GUCA1B: variants seen among roughly 807,000 people sequenced by gnomAD.
The protein encoded by GUCA1B is guanylyl cyclase-activating protein 2.
In GUCA1B, 22 loss-of-function variants were observed where a neutral mutation model predicts 24.2. The observed-to-expected ratio is 0.91, with a 90% confidence interval of 0.65 to 1.30. The LOEUF (loss-of-function observed/expected upper bound fraction) is 1.30, where lower values mean the gene tolerates loss of function less well. Ranked by LOEUF, GUCA1B falls within the 50% of genes most tolerant of loss-of-function variation. The pLI, the probability that GUCA1B is intolerant of heterozygous loss-of-function variation, is 0.00. For synonymous variants in GUCA1B, 100 were observed against 97.9 expected (o/e 1.02, Z -0.13); for missense variants, 221 against 258.8 (o/e 0.85, Z 1.00).
chr6:42,183,743 C>T lies in GUCA1B; in HGVS notation c.*1072G>A, dbSNP rs1768144380. ...AGAGACAGACAGAAGTTTTCTCCAT[C>T]CTTTAAAGAGAAACATTCAGCTTAT... On this transcript the variant is annotated 3_prime_UTR_variant, in exon 4 of 4. Coordinates refer to ENST00000230361, the MANE Select transcript of GUCA1B (RefSeq NM_002098.6). 6.6e-6 allele frequency among the ~76,000 whole-genome samples: 1 copy of T among 152,082 alleles called. No individual in the cohort carries two copies. The highest frequency in any genetic ancestry group is 2.4e-5 in the African/African-American group (1 of 41,394).
chr6:42,194,792 G>A lies in GUCA1B; in HGVS notation c.29C>T (p.Ala10Val), dbSNP rs555181489. The A allele has an allele frequency of 3.1e-5, 49 of 1,578,010 alleles. No homozygotes were observed. The East Asian group carries it at 4.7e-4, about 15-fold the overall frequency. The change falls in exon 1 of 4, where the codon GCG becomes GTG. Residue 10 changes from alanine to valine, a missense_variant. Ala to Val is a moderately conservative substitution (Grantham distance 64). Transcript: ENST00000230361. ...CACATCTATCTCGCCAGCTGCCTCC[G>A]CCTCCTCCCAGCTAAACTCCTGCCC... MGQEFSWEE[A>V]EAAGEIDVAE...
chr6:42,191,584 A>G (rs1462618265), intron 1 of GUCA1B, among the ~76,000 whole-genome samples: 1 of 152,208 alleles, frequency 6.6e-6, no homozygotes, highest in African/African-American at 2.4e-5. Flanking sequence ...CTTACAGTGG[A>G]ATGCCAACTA....
chr6:42,185,620 G>A lies in GUCA1B; in HGVS notation c.475+60C>T, dbSNP rs557893480. 70 of 1,040,310 alleles carry A rather than the reference G, an allele frequency of 6.7e-5. 1 individual carries two copies. Among genetic ancestry groups the A allele is most frequent in the Non-Finnish European group, 8.7e-5 (58 of 663,188 alleles). 64.4% of individuals were successfully genotyped at this position (1,040,310 alleles called of 1,614,324 possible). A position where few individuals can be genotyped will look rare whatever the true frequency, so the allele number is the denominator to read the frequency against. On this transcript the variant is annotated intron_variant, in intron 3 of 3. Transcript: ENST00000230361. ...TGGAGGGCCTTGCCCAAGGACGTGC[G>A]GCCAGAAAGTGGCGATGATGCAGAG... is the stretch of plus-strand genomic sequence containing the variant.
chr6:42,192,353 CAAAAAAAAAAAAA>C (rs552941208), intron 1 of GUCA1B, among the ~76,000 whole-genome samples: 3 of 57,196 alleles, frequency 5.2e-5, no homozygotes, highest in South Asian at 1.1e-3. Context: ...GACTCCAACT[CAAAAAAAAAAAAA>C]AAAAAAAAAA....
At position 42,186,762 on chromosome 6, in the gene GUCA1B, C is replaced by T. The variant is rs191753516; in HGVS notation, c.358-965G>A. ...GTGCCCAGCATAAAATAGGCCTCAT[C>T]GACGTGTCTTGGGAGACTGAGGGGT... On this transcript the variant is annotated intron_variant, in intron 2 of 3. Coordinates refer to ENST00000230361, the MANE Select transcript of GUCA1B (RefSeq NM_002098.6). 2.6e-5 allele frequency among the ~76,000 whole-genome samples: 4 copies of T among 152,282 alleles called. No homozygotes were observed. In the East Asian group the frequency reaches 7.7e-4, roughly 29 times the overall value.
chr6:42,188,823 T>C, intron 1 of GUCA1B, 92 bp from the exon 2 acceptor site: 1 of 1,231,584 alleles, frequency 8.1e-7, no homozygotes, highest in Non-Finnish European at 1.2e-6. Context: ...CTCCTCCTCC[T>C]TTTAATCCAT....
At chr6:42,194,507 C>G (rs1255109886) in intron 1 of GUCA1B, 107 bp downstream of exon 1, 4 of 771,882 alleles carry the variant, frequency 5.2e-6, no homozygotes, top group Non-Finnish European at 9.5e-6. Context: ...GAAAGAAGAG[C>G]AGAGAAAGAG....
rs1768143362 is a variant in GUCA1B at position 42,183,699 on chromosome 6, C to G, written c.*1116G>C. ...AAGCCCAGCCCACAATCCCAGTCAA[C>G]AGTCCCCCAATTCTTGCCAGAGACA... On this transcript the variant is annotated 3_prime_UTR_variant, in exon 4 of 4. Coordinates refer to ENST00000230361, the MANE Select transcript of GUCA1B (RefSeq NM_002098.6). Among the ~76,000 whole-genome samples, 1 of 152,194 alleles carries G rather than the reference C, an allele frequency of 6.6e-6. No individual in the cohort carries two copies. Among genetic ancestry groups the G allele is most frequent in the African/African-American group, 2.4e-5 (1 of 41,444 alleles).
Position 42,194,868 on chromosome 6 carries a change from G to T in GUCA1B, c.-48C>A. On this transcript the variant is annotated 5_prime_UTR_variant, in exon 1 of 4. Transcript: ENST00000230361. ...GAGCAAGGGTCTGTATCTCCTCCCT[G>T]GCTTCTGCTGATGGATCTCTCCAAC... 1.5e-6 allele frequency: 2 copies of T among 1,353,952 alleles called. No homozygotes were observed. Among genetic ancestry groups the T allele is most frequent in the Non-Finnish European group, 2.1e-6 (2 of 971,636 alleles). 83.9% of individuals were successfully genotyped at this position (1,353,952 alleles called of 1,614,324 possible).
Position 42,184,425 on chromosome 6 carries a change from AC to A in GUCA1B, c.*389del. ...TTTTCTTCAGTCTCAACACCCTCCC[AC>A]CCCTGCCTCCTACCAGTCTTTGTGT... On this transcript the variant is annotated 3_prime_UTR_variant, in exon 4 of 4. Coordinates refer to ENST00000230361, the MANE Select transcript of GUCA1B (RefSeq NM_002098.6). 3.1e-6 allele frequency: 1 copy of A among 326,924 alleles called. No homozygotes were observed. The highest frequency in any genetic ancestry group is 2.2e-5 in the African/African-American group (1 of 46,128). 20.3% of individuals were successfully genotyped at this position (326,924 alleles called of 1,614,324 possible).
chr6:42,194,706 TAAAG>T lies in GUCA1B; in HGVS notation c.111_114del (p.Phe38CysfsTer20), dbSNP rs778229627. On this transcript the variant is annotated frameshift_variant, in exon 1 of 4. Coordinates refer to ENST00000230361, the MANE Select transcript of GUCA1B (RefSeq NM_002098.6). LOFTEE classifies it high-confidence loss of function. ...TTGAAGAAGCGCTTAAACTCATGCA[TAAAG>T]AGTGTGCCGCTGGGGCACTCCATCA... 6.2e-6 allele frequency: 10 copies of T among 1,613,320 alleles called. No homozygotes were observed. The highest frequency in any genetic ancestry group is 3.3e-5 in the Admixed American group (2 of 59,996).
At chr6:42,186,601 A>AAAC (rs375915567) in intron 2 of GUCA1B, among the ~76,000 whole-genome samples, 1 of 147,158 alleles carries the variant, frequency 6.8e-6, no homozygotes, top group African/African-American at 2.7e-5. Flanking sequence ...TCAGAAAAAA[A>AAAC]AAAGAAAGAA....
At chr6:42,185,958 A>T (rs574228116) in intron 2 of GUCA1B, among the ~76,000 whole-genome samples, 161 bp from the exon 3 acceptor site, 1 of 152,256 alleles carries the variant, frequency 6.6e-6, no homozygotes, top group South Asian at 2.1e-4. Flanking sequence ...ACCTGTCCTA[A>T]GGCGGTGCTC....
rs779983727 is a variant in GUCA1B at position 42,194,689 on chromosome 6, G to C, written c.132C>G (p.Arg44=). 6.2e-7 allele frequency: 1 copy of C among 1,613,710 alleles called. No individual in the cohort carries two copies. The highest frequency in any genetic ancestry group is 1.3e-5 in the African/African-American group (1 of 75,018). The part of the protein sequence containing the change: ...SGTLFMHEFK[R]FFKVTDDEEA... ...CCTCATCGTCTGTGACCTTGAAGAA[G>C]CGCTTAAACTCATGCATAAAGAGTG... The change falls in exon 1 of 4, where the codon CGC becomes CGG. Residue 44 remains arginine (R), a synonymous_variant. Coordinates refer to ENST00000230361, the MANE Select transcript of GUCA1B (RefSeq NM_002098.6).
At chr6:42,188,293 CGTGTGT>C (rs151241798) in intron 2 of GUCA1B, among the ~76,000 whole-genome samples, 7,576 of 143,596 alleles carry the variant, frequency 0.053, 210 homozygotes, top group Middle Eastern at 0.11. Flanking sequence ...AGATACTTGT[CGTGTGT>C]GTGTGTGTGT....
rs1407951167 is a variant in GUCA1B, at chr6:42,184,019, C to CG, written c.*795dup. The stretch of plus-strand genomic sequence containing the variant: ...AGGAGGCCAGGGTCCTCCCCATGAA[C>CG]GCCCCTCAGCATCCCGGAAGTTATA... On this transcript the variant is annotated 3_prime_UTR_variant, in exon 4 of 4. Coordinates refer to ENST00000230361, the MANE Select transcript of GUCA1B (RefSeq NM_002098.6). Among the ~76,000 whole-genome samples the CG allele has an allele frequency of 6.6e-6, 1 of 152,112 alleles. No individual in the cohort carries two copies. Among genetic ancestry groups the CG allele is most frequent in the Non-Finnish European group, 1.5e-5 (1 of 68,030 alleles).
chr6:42,194,598 C>A lies in GUCA1B; in HGVS notation c.207+16G>T, dbSNP rs1161574113. Reference sequence around the variant, plus strand: ...AGGTGGACTGGCCACTGGTCCTTCCCTTCAGGGTGCCTTACCCCATTCTTG... The same window carrying A: ...AGGTGGACTGGCCACTGGTCCTTCCATTCAGGGTGCCTTACCCCATTCTTG... On this transcript the variant is annotated intron_variant, in intron 1 of 3. Transcript: ENST00000230361. 1.3e-6 allele frequency: 2 copies of A among 1,565,906 alleles called. No individual in the cohort carries two copies. The highest frequency in any genetic ancestry group is 1.3e-5 in the African/African-American group (1 of 74,290).
At chr6:42,186,142 A>G (rs1251053366) in intron 2 of GUCA1B, among the ~76,000 whole-genome samples, 4 of 152,238 alleles carry the variant, frequency 2.6e-5, no homozygotes, top group Non-Finnish European at 4.4e-5. Flanking sequence ...AGAAATAGAG[A>G]TGCAGAGAAG....
chr6:42,186,900 G>A lies in GUCA1B; in HGVS notation c.358-1103C>T, dbSNP rs534160034. ...GCTAACGATGCCTGCCTCATAGCGC[G>A]GGTCTGGCTAACCCAGGGAACACGC... is the stretch of plus-strand genomic sequence containing the variant. On this transcript the variant is annotated intron_variant, in intron 2 of 3. Transcript: ENST00000230361. Among the ~76,000 whole-genome samples the A allele has an allele frequency of 1.1e-3, 162 of 152,304 alleles. 2 individuals are homozygous for A. Among genetic ancestry groups the A allele is most frequent in the Admixed American group, 4.4e-3 (67 of 15,308 alleles).
Sources: gnomAD v4.1 joint callset for allele counts (sites outside exome capture counted in the v4.1 genomes callset) on GRCh38, gnomAD v4.1.1 for gene constraint, MANE v1.5 for transcripts, NCBI Gene and HGNC (gene_info 2026-07-23, HGNC 2026-07-21) for gene names.